Variants in LINGO2 observed in about 807,000 individuals in gnomAD.
LINGO2 encodes the protein leucine-rich repeat and immunoglobulin-like domain-containing nogo receptor-interacting protein 2.
A neutral mutation model predicts 30.6 loss-of-function variants in LINGO2; 14 were observed. The observed-to-expected ratio is 0.46, with a 90% CI of 0.30 to 0.72. The LOEUF (loss-of-function observed/expected upper bound fraction) is 0.72, where lower values mean the gene tolerates loss of function less well. Among genes scored for constraint, LINGO2 ranks in the 30% least tolerant of loss-of-function variants. LINGO2 has a pLI of 0.07. For synonymous variants in LINGO2, 317 were observed against 288.5 expected, an observed-to-expected ratio of 1.10 and a Z score of -1.00; for missense variants, 729 against 751.7, an observed-to-expected ratio of 0.97 and a Z score of 0.35.
the LINGO2 span, among the ~76,000 whole-genome samples, chr9:29,029,419 TC>T: frequency 6.6e-6 from 1 of 152,154 alleles, no homozygotes; most frequent in Non-Finnish European, 1.5e-5. Context: ...TATTAGATGC[TC>T]AGAAAAGTAA....
At chr9:28,977,843 A>G in the LINGO2 span, among the ~76,000 whole-genome samples, 1 of 152,136 alleles carries the variant, frequency 6.6e-6, no homozygotes, top group African/African-American at 2.4e-5. Flanking sequence ...TGCTAGGTTC[A>G]CTGCGAGCTG....
At chr9:28,284,085 T>A (rs1416844900) in intron 4 of LINGO2, among the ~76,000 whole-genome samples, 1 of 152,142 alleles carries the variant, frequency 6.6e-6, no homozygotes, top group Admixed American at 6.5e-5. Context: ...TGGCTTTCAA[T>A]CAACTCCATA....
chr9:28,403,221 T>G (rs1402747090), intron 2 of LINGO2, among the ~76,000 whole-genome samples: 1 of 152,194 alleles, frequency 6.6e-6, no homozygotes, highest in Non-Finnish European at 1.5e-5. Flanking sequence ...ATGGACTTAA[T>G]TAATGGGCTC....
chr9:27,998,152 C>T (rs1205772786), intron 5 of LINGO2, among the ~76,000 whole-genome samples: 2 of 149,136 alleles, frequency 1.3e-5, no homozygotes, highest in African/African-American at 4.9e-5. Flanking sequence ...TGAATCTGAG[C>T]TAGCCTATGT....
At chr9:28,005,149 C>G (rs72722855) in intron 5 of LINGO2, among the ~76,000 whole-genome samples, 4,079 of 152,250 alleles carry the variant, frequency 0.027, 88 homozygotes, top group South Asian at 0.068. Flanking sequence ...TGACTCTCAA[C>G]TGGATAAACT....
At chr9:28,338,450 A>T (rs1472371376) in intron 3 of LINGO2, among the ~76,000 whole-genome samples, 1 of 152,054 alleles carries the variant, frequency 6.6e-6, no homozygotes, top group Non-Finnish European at 1.5e-5. Flanking sequence ...ATGAGTTAAG[A>T]CTTTGGGGAA....
chr9:28,562,679 T>C (rs1293067992), intron 1 of LINGO2, among the ~76,000 whole-genome samples: 1 of 152,004 alleles, frequency 6.6e-6, no homozygotes, highest in East Asian at 1.9e-4. Context: ...TCTGATGTTG[T>C]AAAGGTGGTT....
intron 1 of LINGO2, among the ~76,000 whole-genome samples, chr9:28,654,319 T>C (rs1023324594): frequency 2.6e-5 from 4 of 152,124 alleles, no homozygotes; most frequent in African/African-American, 7.2e-5. Context: ...GCAATTCATG[T>C]TTAATTAATG....
chr9:28,848,810 C>T, the LINGO2 span, among the ~76,000 whole-genome samples: 2 of 151,846 alleles, frequency 1.3e-5, no homozygotes, highest in South Asian at 2.1e-4. Flanking sequence ...TTAAATACAG[C>T]TGTTGAAACT....
rs145316702 is a variant in LINGO2, at chr9:28,079,740, C to T, written c.-86-67335G>A. Among the ~76,000 whole-genome samples the T allele has an allele frequency of 5.3e-5, 8 of 152,242 alleles. No homozygotes were observed. In the East Asian group the frequency reaches 1.4e-3, roughly 26 times the overall value. On this transcript the variant is annotated intron_variant, in intron 4 of 5. Coordinates refer to ENST00000379992, the Ensembl canonical transcript of LINGO2. ...TCATTTATTTCCAAGGTTTTAAATGCCATCTGCATGGTGGAAACTTCCAAA... is the reference window on the plus strand; with the variant it reads ...TCATTTATTTCCAAGGTTTTAAATGTCATCTGCATGGTGGAAACTTCCAAA...
chr9:28,980,825 A>G, the LINGO2 span, among the ~76,000 whole-genome samples: 1 of 146,694 alleles, frequency 6.8e-6, no homozygotes, highest in Non-Finnish European at 1.5e-5. Flanking sequence ...TTATTTTTTT[A>G]TCATCAATAT....
At chr9:28,981,178 T>C in the LINGO2 span, among the ~76,000 whole-genome samples, 1 of 152,060 alleles carries the variant, frequency 6.6e-6, no homozygotes, top group South Asian at 2.1e-4. Flanking sequence ...TCATATGCAT[T>C]GTTCAGTCCA....
At chr9:28,644,530 GGGTAGTA>G (rs1827744300) in intron 1 of LINGO2, among the ~76,000 whole-genome samples, 1 of 151,666 alleles carries the variant, frequency 6.6e-6, no homozygotes, top group Admixed American at 6.6e-5. Flanking sequence ...AGGCAGGGAA[GGGTAGTA>G]GGGGGAGGGT....
chr9:29,022,154 C>T, the LINGO2 span, among the ~76,000 whole-genome samples: 30,863 of 152,006 alleles, frequency 0.2, 3,605 homozygotes, highest in South Asian at 0.24. Flanking sequence ...GAAACCCTAT[C>T]GATTTTCTCC....
chr9:29,144,091 T>C, the LINGO2 span, among the ~76,000 whole-genome samples: 2 of 152,104 alleles, frequency 1.3e-5, no homozygotes, highest in African/African-American at 4.8e-5. Context: ...GTGTGCAGTC[T>C]TACTTCCGGG....
chr9:28,064,628 G>T (rs1210294455), intron 4 of LINGO2, among the ~76,000 whole-genome samples: 1 of 152,096 alleles, frequency 6.6e-6, no homozygotes, highest in Non-Finnish European at 1.5e-5. Flanking sequence ...AGCTAACCAA[G>T]GAACTGCTCT....
chr9:29,189,831 G>A, the LINGO2 span, among the ~76,000 whole-genome samples: 1 of 151,932 alleles, frequency 6.6e-6, no homozygotes, highest in African/African-American at 2.4e-5. Context: ...CCAACACAGC[G>A]AAACCCCGTC....
the LINGO2 span, among the ~76,000 whole-genome samples, chr9:28,766,770 G>A: frequency 4.1e-5 from 6 of 146,222 alleles, no homozygotes; most frequent in African/African-American, 1.4e-4. Flanking sequence ...AGAGGAGAGG[G>A]AGGGAAAGAG....
the LINGO2 span, among the ~76,000 whole-genome samples, chr9:29,208,484 T>C: frequency 6.6e-6 from 1 of 152,028 alleles, no homozygotes; most frequent in Admixed American, 6.6e-5. Flanking sequence ...AATATTAATT[T>C]AAATTTGACT....
Sources: allele counts gnomAD v4.1 joint callset (sites outside exome capture counted in the v4.1 genomes callset), GRCh38; gene constraint gnomAD v4.1.1; transcripts MANE v1.5; gene names NCBI Gene and HGNC (gene_info 2026-07-23, HGNC 2026-07-21).